SACS: variants seen among roughly 807,000 people sequenced by gnomAD.
SACS encodes sacsin molecular chaperone, also known as sacsin.
SACS carries 197 observed loss-of-function variants against 348.0 expected under a neutral mutation model. The observed-to-expected ratio is 0.57, with a 90% CI of 0.50 to 0.64. The LOEUF (loss-of-function observed/expected upper bound fraction) is 0.64. Ranked by LOEUF, SACS falls within the 30% of genes least tolerant of loss-of-function variation. SACS has a pLI of 0.00. For synonymous variants in SACS, 1,985 were observed against 1,910.6 expected, an observed-to-expected ratio of 1.04 and a Z score of -1.02; for missense variants, 4,999 against 5,360.8, an observed-to-expected ratio of 0.93 and a Z score of 2.11.
rs1027002184 is a variant in SACS, at chr13:23,393,901, C to G, written c.20+17319G>C. Among the ~76,000 whole-genome samples, 3 of 152,298 alleles carry G rather than the reference C, an allele frequency of 2.0e-5. No individual in the cohort carries two copies. The South Asian group carries it at 6.2e-4, about 32-fold the overall frequency. On this transcript the variant is annotated intron_variant, in intron 2 of 9. Coordinates refer to ENST00000382292, the MANE Select transcript of SACS (RefSeq NM_014363.6). Reference sequence around the variant, plus strand: ...TCAGCCTCCCGAGTAGCTGGGACTACAGGCGCCTGCCACCGCGCCCGGCTA... The same window carrying G: ...TCAGCCTCCCGAGTAGCTGGGACTAGAGGCGCCTGCCACCGCGCCCGGCTA...
At chr13:23,394,803 C>T (rs77842349) in intron 2 of SACS, among the ~76,000 whole-genome samples, 25,258 of 152,164 alleles carry the variant, frequency 0.17, 2,314 homozygotes, top group South Asian at 0.32. Context: ...TGCAGTGAAT[C>T]GAGATCGCGC....
intron 3 of SACS, among the ~76,000 whole-genome samples, chr13:23,373,199 G>A (rs1053311498): frequency 6.3e-4 from 96 of 152,226 alleles, no homozygotes; most frequent in African/African-American, 2.2e-3. Flanking sequence ...AAGAGATGTC[G>A]GCAGGCATAG....
chr13:23,341,580 G>T lies in SACS; in HGVS notation c.2296C>A (p.Pro766Thr). ...PGRELIVQWYPFDENRNHPSV... is the reference protein window; with the variant it reads ...PGRELIVQWYTFDENRNHPSV... ...GGGTGATTTCTGTTTTCATCAAATG[G>T]ATACCATTGAACAATCAATTCTCTG... is the stretch of plus-strand genomic sequence containing the variant. Residue 766 changes from proline to threonine, a missense_variant, in exon 10 of 10, where the codon CCA (proline) becomes ACA (threonine). Physicochemically the swap from Pro to Thr is conservative, Grantham distance 38. This residue lies in a region of SACS where 3,156 missense variants were observed against 3,380.1 expected (regional missense o/e 0.93). Transcript: ENST00000382292. The T allele has an allele frequency of 6.2e-7, 1 of 1,613,866 alleles. No homozygotes were observed. The highest frequency in any genetic ancestry group is 8.5e-7 in the Non-Finnish European group (1 of 1,179,940).
rs936360531 is a variant in SACS at position 23,431,239 on chromosome 13, T to G, written c.-502+2376A>C. 2.0e-5 allele frequency among the ~76,000 whole-genome samples: 3 copies of G among 152,258 alleles called. No homozygotes were observed. The East Asian group carries it at 5.8e-4, about 29-fold the overall frequency. Reference sequence around the variant, plus strand: ...TGAAGGAAATTGAAAGATTATTCTATGTCTCTTGCCTTAGAGATGGCGTTA... The same window carrying G: ...TGAAGGAAATTGAAAGATTATTCTAGGTCTCTTGCCTTAGAGATGGCGTTA... On this transcript the variant is annotated intron_variant, in intron 1 of 9. Coordinates refer to ENST00000382292, the MANE Select transcript of SACS (RefSeq NM_014363.6).
rs781029021 is a variant in SACS, at chr13:23,330,992, G to A, written c.12884C>T (p.Pro4295Leu). 8.1e-6 allele frequency: 13 copies of A among 1,614,014 alleles called. No individual in the cohort carries two copies. The East Asian group carries it at 2.9e-4, about 36-fold the overall frequency. Reference sequence around the variant, plus strand: ...TAAAGAATTAACCTTAAGCTTTTTGGGGGACTGATGTTTGGAAGAAGTCTT... The same window carrying A: ...TAAAGAATTAACCTTAAGCTTTTTGAGGGACTGATGTTTGGAAGAAGTCTT... Reference protein sequence around the residue: ...SHKTSSKHQSPKKLKVNSLPE... With the variant: ...SHKTSSKHQSLKKLKVNSLPE... The change falls in exon 10 of 10, where the codon CCC becomes CTC. Residue 4295 changes from proline (P) to leucine (L), a missense_variant. Around this residue, in one of 6 missense-constraint regions of SACS, gnomAD observed 831 missense variants for 941.8 expected, o/e 0.88. Transcript: ENST00000382292.
At chr13:23,374,937 T>G (rs913720644) in intron 3 of SACS, among the ~76,000 whole-genome samples, 182 bp downstream of exon 3, 17 of 148,860 alleles carry the variant, frequency 1.1e-4, no homozygotes, top group African/African-American at 4.0e-4. Flanking sequence ...GGGTTCGGGG[T>G]GGGGGATGCA....
At position 23,385,610 on chromosome 13, in the gene SACS, G is replaced by A. The variant is rs113635176; in HGVS notation, c.21-10341C>T. The stretch of plus-strand genomic sequence containing the variant: ...TGACTTCAGCTGATCCACCCGCCTC[G>A]GCCACCCAAAGTGCTAGGACTACAG... On this transcript the variant is annotated intron_variant, in intron 2 of 9. Coordinates refer to ENST00000382292, the MANE Select transcript of SACS (RefSeq NM_014363.6). 4.8e-3 allele frequency among the ~76,000 whole-genome samples: 724 copies of A among 151,994 alleles called. 7 individuals carry two copies. Among genetic ancestry groups the A allele is most frequent in the African/African-American group, 0.016 (664 of 41,468 alleles).
At chr13:23,424,186 A>C (rs1489932443) in intron 1 of SACS, among the ~76,000 whole-genome samples, 1 of 152,166 alleles carries the variant, frequency 6.6e-6, no homozygotes, top group East Asian at 1.9e-4. Flanking sequence ...TGCAACTGGA[A>C]TCTCCATTAT....
At chr13:23,413,289 TA>T (rs1159226460) in intron 1 of SACS, among the ~76,000 whole-genome samples, 1 of 152,234 alleles carries the variant, frequency 6.6e-6, no homozygotes, top group Admixed American at 6.5e-5. Context: ...GCAAACTTTA[TA>T]AACAATGGTA....
chr13:23,359,879 C>T (rs1364987222), intron 6 of SACS, among the ~76,000 whole-genome samples: 1 of 152,140 alleles, frequency 6.6e-6, no homozygotes, highest in Non-Finnish European at 1.5e-5. Context: ...AATTCAGGGA[C>T]AGACATGGGG....
rs768941860 is a variant in SACS at position 23,337,607 on chromosome 13, C to T, written c.6269G>A (p.Gly2090Glu). 2 of 1,613,778 alleles carry T rather than the reference C, an allele frequency of 1.2e-6. No individual in the cohort carries two copies. Among genetic ancestry groups the T allele is most frequent in the African/African-American group, 1.3e-5 (1 of 75,004 alleles). The stretch of plus-strand genomic sequence containing the variant: ...AATACATGGAGTAACACGAAGAACT[C>T]CCGAGAACTCATCAACTTTTTCATT... ...VLNEKVDEFSGVLRVTPCIPC... is the reference protein window; with the variant it reads ...VLNEKVDEFSEVLRVTPCIPC... Residue 2090 changes from glycine to glutamate, a missense_variant, in exon 10 of 10, where the codon GGA becomes GAA. Coordinates refer to ENST00000382292, the MANE Select transcript of SACS (RefSeq NM_014363.6).
chr13:23,329,921 T>C lies in SACS; in HGVS notation c.*215A>G. On this transcript the variant is annotated 3_prime_UTR_variant, in exon 10 of 10. Transcript: ENST00000382292. ...AATCATTCAAATCCATCCAGCTATT[T>C]TGCAGCTCACCACCATCTTCAAAAT... 4 of 575,954 alleles carry C rather than the reference T, an allele frequency of 6.9e-6. No individual in the cohort carries two copies. The highest frequency in any genetic ancestry group is 6.0e-5 in the Admixed American group (2 of 33,136). The allele number at this position is 575,954 out of a possible 1,614,324, so 35.7% of individuals were successfully genotyped here.
chr13:23,423,408 T>C (rs969734175), intron 1 of SACS, among the ~76,000 whole-genome samples: 3 of 152,112 alleles, frequency 2.0e-5, no homozygotes, highest in Non-Finnish European at 2.9e-5. Context: ...TGTATGAATA[T>C]ACAACTATCT....
At chr13:23,375,394 C>A (rs1871701466) in intron 2 of SACS, 125 bp from the exon 3 acceptor site, 16 of 1,238,170 alleles carry the variant, frequency 1.3e-5, no homozygotes, top group Non-Finnish European at 1.4e-5. Context: ...AGCGCCCGCC[C>A]CTGACGCCGG....
rs145707496 is a variant in SACS, at chr13:23,372,201, A to G, written c.172-1036T>C. Among the ~76,000 whole-genome samples the G allele has an allele frequency of 7.5e-4, 114 of 152,310 alleles. 1 individual carries two copies. Among genetic ancestry groups the G allele is most frequent in the African/African-American group, 2.6e-3 (107 of 41,568 alleles). ...TTAGTGGGAATACGTGCATGAAAGT[A>G]TTTATAATCTGGGACCTGTAATAGC... is the stretch of plus-strand genomic sequence containing the variant. On this transcript the variant is annotated intron_variant, in intron 3 of 9. Transcript: ENST00000382292.
In SACS at chr13:23,355,476, A is replaced by G; in HGVS notation, c.1136T>C (p.Leu379Ser). The G allele has an allele frequency of 6.2e-7, 1 of 1,614,148 alleles. No individual in the cohort carries two copies. The highest frequency in any genetic ancestry group is 8.5e-7 in the Non-Finnish European group (1 of 1,179,992). ...TGCATCCTTAGTACTCTCCTCTTCTAAAACAATATTTACGTGATATGTTAC... is the reference window on the plus strand; with the variant it reads ...TGCATCCTTAGTACTCTCCTCTTCTGAAACAATATTTACGTGATATGTTAC... ...TCVTYHVNIV[L>S]EEESTKDAQK... is the part of the protein sequence containing the mutation. Residue 379 changes from leucine (L) to serine (S), a missense_variant, in exon 8 of 10, where the codon TTA becomes TCA. Physicochemically the swap from Leu to Ser is moderately radical, Grantham distance 145. Transcript: ENST00000382292.
At chr13:23,386,125 C>A (rs904793751) in intron 2 of SACS, among the ~76,000 whole-genome samples, 1 of 152,204 alleles carries the variant, frequency 6.6e-6, no homozygotes, top group African/African-American at 2.4e-5. Context: ...AACTTGGCTT[C>A]AACTTAGTCA....
rs2137899344 is a variant in SACS, at chr13:23,392,016, A to G, written c.21-16747T>C. Among the ~76,000 whole-genome samples, 3 of 152,334 alleles carry G rather than the reference A, an allele frequency of 2.0e-5. No homozygotes were observed. The Middle Eastern group carries it at 0.01, about 518-fold the overall frequency. On this transcript the variant is annotated intron_variant, in intron 2 of 9. Transcript: ENST00000382292. Reference sequence around the variant, plus strand: ...TCCAAGGAAGGGCTCAGAATCACGCATGCAGACTGACTTTCCTGTCTCCCA... The same window carrying G: ...TCCAAGGAAGGGCTCAGAATCACGCGTGCAGACTGACTTTCCTGTCTCCCA...
chr13:23,390,678 A>G (rs1017740741), intron 2 of SACS, among the ~76,000 whole-genome samples: 1 of 152,200 alleles, frequency 6.6e-6, no homozygotes, highest in East Asian at 1.9e-4. Flanking sequence ...ATAAATAAGA[A>G]GTAAATAAGT....
Sources: gnomAD v4.1 joint callset for allele counts (sites outside exome capture counted in the v4.1 genomes callset) on GRCh38, gnomAD v4.1.1 for gene constraint, gnomAD v4.1.1 regional missense constraint, MANE v1.5 for transcripts, NCBI Gene and HGNC (gene_info 2026-07-23, HGNC 2026-07-21) for gene names.